ELMO1: variants seen among roughly 807,000 people sequenced by gnomAD.
The protein encoded by ELMO1 is engulfment and cell motility protein 1.
A neutral mutation model predicts 98.9 loss-of-function variants in ELMO1; 26 were observed. The observed-to-expected ratio is 0.26, with a 90% CI of 0.19 to 0.36. The LOEUF is 0.36. Ranked by LOEUF, ELMO1 falls within the 10% of genes least tolerant of loss-of-function variation. ELMO1 has a pLI of 1.00. For missense variants in ELMO1, 627 were observed against 935.2 expected (o/e 0.67, Z 4.30); for synonymous variants, 346 against 346.0 (o/e 1.00, Z 0.00).
At chr7:37,329,304 G>T (rs1034358197) in intron 2 of ELMO1, among the ~76,000 whole-genome samples, 1 of 152,110 alleles carries the variant, frequency 6.6e-6, no homozygotes, top group African/African-American at 2.4e-5. Context: ...GCATATTTAT[G>T]GGGTATAAAG....
At position 36,937,954 on chromosome 7, in the gene ELMO1, T is replaced by C. The variant is rs78457233; in HGVS notation, c.1438-42937A>G. On this transcript the variant is annotated intron_variant, in intron 16 of 21. Coordinates refer to ENST00000310758, the MANE Select transcript of ELMO1 (RefSeq NM_014800.11). ...ACAGAACTCAGGCTGAGAAACACTA[T>C]TCTAGAAGCTGCAAATAATGTCTGC... is the stretch of plus-strand genomic sequence containing the variant. Among the ~76,000 whole-genome samples, 966 of 152,292 alleles carry C rather than the reference T, an allele frequency of 6.3e-3. 13 individuals are homozygous for C. The highest frequency in any genetic ancestry group is 0.022 in the African/African-American group (923 of 41,538).
chr7:37,364,583 A>ATT (rs34314377), intron 1 of ELMO1, among the ~76,000 whole-genome samples: 2,211 of 148,878 alleles, frequency 0.015, 39 homozygotes, highest in Middle Eastern at 0.014. Flanking sequence ...TGCTGGCTTA[A>ATT]TTTTTTTTTT....
At chr7:37,124,820 A>G (rs1404710167) in intron 14 of ELMO1, among the ~76,000 whole-genome samples, 5 of 152,350 alleles carry the variant, frequency 3.3e-5, no homozygotes, top group Admixed American at 1.3e-4. Flanking sequence ...AAGAGCCCAC[A>G]TTGCCAAGTC....
chr7:37,407,946 T>A (rs1344121232), intron 1 of ELMO1, among the ~76,000 whole-genome samples: 1 of 152,178 alleles, frequency 6.6e-6, no homozygotes, highest in African/African-American at 2.4e-5. Flanking sequence ...TCTGTAAACC[T>A]AAAATTTCTC....
chr7:37,157,425 T>A (rs954740915), intron 13 of ELMO1, among the ~76,000 whole-genome samples: 1 of 152,186 alleles, frequency 6.6e-6, no homozygotes, highest in Admixed American at 6.5e-5. Context: ...CCCCATCGTA[T>A]CAGCCCAAAA....
At chr7:37,030,100 CT>C (rs1794795924) in intron 15 of ELMO1, among the ~76,000 whole-genome samples, 2 of 152,106 alleles carry the variant, frequency 1.3e-5, no homozygotes, top group African/African-American at 4.8e-5. Flanking sequence ...TGGCGGCCAT[CT>C]TTCTCTCTCT....
chr7:37,112,037 C>T (rs970845719), intron 14 of ELMO1, among the ~76,000 whole-genome samples: 1 of 152,230 alleles, frequency 6.6e-6, no homozygotes, highest in South Asian at 2.1e-4. Flanking sequence ...CCAAGTTATG[C>T]TTCAGTTTTG....
chr7:37,429,898 G>A (rs1804862145), intron 1 of ELMO1: 1 of 152,256 alleles, frequency 6.6e-6, no homozygotes, highest in Non-Finnish European at 1.5e-5. Flanking sequence ...TGTATAAATA[G>A]AGATTTTAGG....
At chr7:36,974,164 C>T (rs1258461934) in intron 16 of ELMO1, among the ~76,000 whole-genome samples, 2 of 152,246 alleles carry the variant, frequency 1.3e-5, no homozygotes, top group South Asian at 4.1e-4. Flanking sequence ...CACCTGCAGC[C>T]CCGGTGTGGT....
At chr7:36,953,648 T>G (rs534089275) in intron 16 of ELMO1, among the ~76,000 whole-genome samples, 1 of 152,226 alleles carries the variant, frequency 6.6e-6, no homozygotes, top group Non-Finnish European at 1.5e-5. Flanking sequence ...CACCATCATC[T>G]TTAAGGACAA....
Position 37,322,973 on chromosome 7 carries a change from G to C in ELMO1, c.79-7013C>G, listed in dbSNP as rs187985895. Among the ~76,000 whole-genome samples the C allele has an allele frequency of 3.3e-4, 50 of 152,232 alleles. 1 individual carries two copies. Among genetic ancestry groups the C allele is most frequent in the Non-Finnish European group, 2.8e-4 (19 of 68,030 alleles). On this transcript the variant is annotated intron_variant, in intron 2 of 21. Transcript: ENST00000310758. ...ACAGTGAGCTGAAAAACAAAAGCAG[G>C]AATTTTTTCAGAATAACTTAGAGGA...
chr7:37,183,889 T>C (rs1791034497), intron 13 of ELMO1, among the ~76,000 whole-genome samples: 1 of 152,236 alleles, frequency 6.6e-6, no homozygotes. Flanking sequence ...AGATCTATTA[T>C]ATATTGTTAC....
chr7:37,365,938 A>G (rs1011563034), intron 1 of ELMO1, among the ~76,000 whole-genome samples: 2 of 152,256 alleles, frequency 1.3e-5, no homozygotes, highest in African/African-American at 4.8e-5. Context: ...GAGTACAGCC[A>G]CTACATTAAT....
intron 6 of ELMO1, among the ~76,000 whole-genome samples, chr7:37,253,949 T>A (rs986707476): frequency 5.9e-5 from 9 of 152,226 alleles, no homozygotes; most frequent in Non-Finnish European, 2.9e-5. Context: ...ATTTAATTTA[T>A]GTGGTTTCTA....
chr7:37,152,611 G>A (rs1003772770), intron 13 of ELMO1, among the ~76,000 whole-genome samples: 2 of 152,182 alleles, frequency 1.3e-5, no homozygotes, highest in South Asian at 2.1e-4. Context: ...ACACACGATC[G>A]TAAAAGCATT....
intron 13 of ELMO1, among the ~76,000 whole-genome samples, chr7:37,200,244 A>ATTTTTT (rs373030810): frequency 7.3e-6 from 1 of 137,554 alleles, no homozygotes; most frequent in Admixed American, 7.4e-5. Context: ...AAGCTAATTA[A>ATTTTTT]TTTTTTTTTT....
At chr7:36,902,822 G>A (rs1219702075) in intron 16 of ELMO1, among the ~76,000 whole-genome samples, 2 of 152,146 alleles carry the variant, frequency 1.3e-5, no homozygotes, top group African/African-American at 2.4e-5. Context: ...TTCAGGAGTG[G>A]TGGGATGTTG....
At chr7:37,110,388 C>T (rs900701721) in intron 14 of ELMO1, among the ~76,000 whole-genome samples, 5 of 152,158 alleles carry the variant, frequency 3.3e-5, no homozygotes, top group Non-Finnish European at 7.3e-5. Context: ...CACATCTGCA[C>T]CTGACTGGAG....
rs553332497 is a variant in ELMO1, at chr7:36,917,249, G to A, written c.1438-22232C>T. ...AATAACTACCTTATTCACAAAAACAGGAATAATATCCTTTTGAGTAGAAAA... is the reference window on the plus strand; with the variant it reads ...AATAACTACCTTATTCACAAAAACAAGAATAATATCCTTTTGAGTAGAAAA... On this transcript the variant is annotated intron_variant, in intron 16 of 21. Transcript: ENST00000310758. Among the ~76,000 whole-genome samples, 32 of 152,106 alleles carry A rather than the reference G, an allele frequency of 2.1e-4. 1 individual carries two copies. In the South Asian group the frequency reaches 5.4e-3, roughly 26 times the overall value.
Sources: allele counts gnomAD v4.1 joint callset (sites outside exome capture counted in the v4.1 genomes callset), GRCh38; gene constraint gnomAD v4.1.1; transcripts MANE v1.5; gene names NCBI Gene and HGNC (gene_info 2026-07-23, HGNC 2026-07-21).